Variants in CARD14 observed in about 807,000 individuals in gnomAD.
CARD14 encodes caspase recruitment domain-containing protein 14.
CARD14 carries 107 observed loss-of-function variants against 111.5 expected under a neutral mutation model. That is an observed-to-expected ratio of 0.96 (90% confidence interval 0.82 to 1.13). The LOEUF is 1.13. CARD14 is among the 50% of genes most tolerant of loss of function. The pLI is 0.00. For missense variants in CARD14, 1,322 were observed against 1,362.3 expected (o/e 0.97, Z 0.47); for synonymous variants, 617 against 579.6 (o/e 1.06, Z -0.93).
Position 80,192,492 on chromosome 17 carries a change from G to A in CARD14, c.1240-11G>A. On this transcript the variant is annotated splice_polypyrimidine_tract_variant and intron_variant, in intron 11 of 23. Coordinates refer to ENST00000648509, the MANE Select transcript of CARD14 (RefSeq NM_001366385.1). ...CCGAATTAACCAGCCTGTCTGGCCT[G>A]TCTTTGGCAGCTCAAGCAGGAAGCC... is the stretch of plus-strand genomic sequence containing the variant. 6.2e-7 allele frequency: 1 copy of A among 1,611,364 alleles called. No homozygotes were observed. The highest frequency in any genetic ancestry group is 8.5e-7 in the Non-Finnish European group (1 of 1,178,020).
At chr17:80,202,088 T>C in intron 17 of CARD14, 92 bp from the exon 18 acceptor site, 5 of 1,261,676 alleles carry the variant, frequency 4.0e-6, no homozygotes, top group East Asian at 2.3e-5. Context: ...ACTGGGAGGG[T>C]CCTTCCTTCT....
intron 7 of CARD14, chr17:80,187,680 C>G (rs2040388804): frequency 4.5e-6 from 4 of 889,806 alleles, no homozygotes; most frequent in Non-Finnish European, 5.4e-6. Flanking sequence ...GCACCCACCC[C>G]GACGTGCAGA....
At chr17:80,202,515 G>T in intron 18 of CARD14, 95 bp downstream of exon 18, 1 of 1,525,506 alleles carries the variant, frequency 6.6e-7, no homozygotes, top group Non-Finnish European at 8.8e-7. Context: ...CCCAGCAATA[G>T]AGGGTGGGCG....
At position 80,202,225 on chromosome 17, in the gene CARD14, CG is replaced by C. The variant is rs758713305; in HGVS notation, c.2029del (p.Asp677ThrfsTer45). On this transcript the variant is annotated frameshift_variant, in exon 18 of 24. Transcript: ENST00000648509. LOFTEE classifies it high-confidence loss of function. The stretch of plus-strand genomic sequence containing the variant: ...GACCTGGAGGCCAAAGTGGCGACCT[CG>C]GGGGACTCATTCTACATCCGGGTCA... ...LQDLEAKVATSGDSFYIRVNL... is the reference protein window; with the variant it reads ...LQDLEAKVATXGDSFYIRVNL... 1.2e-6 allele frequency: 2 copies of C among 1,613,842 alleles called. No individual in the cohort carries two copies. Among genetic ancestry groups the C allele is most frequent in the Non-Finnish European group, 1.7e-6 (2 of 1,180,042 alleles).
At chr17:80,200,229 ATTTTTTTTT>A (rs373332962) in intron 16 of CARD14, among the ~76,000 whole-genome samples, 6 of 74,410 alleles carry the variant, frequency 8.1e-5, no homozygotes, top group Non-Finnish European at 1.2e-4. Context: ...TTTACATGTC[ATTTTTTTTT>A]TTTTTTTTTT....
chr17:80,192,212 G>T, intron 11 of CARD14: 1 of 237,406 alleles, frequency 4.2e-6, no homozygotes. Flanking sequence ...TTCTGTGTGT[G>T]TATGTATGTG....
intron 2 of CARD14, among the ~76,000 whole-genome samples, chr17:80,176,831 C>T (rs765189401): frequency 5.5e-4 from 83 of 152,200 alleles, no homozygotes; most frequent in Admixed American, 1.1e-3. Context: ...CAGACTCTAG[C>T]GACGCAGGCT....
chr17:80,204,940 C>T (rs1211753074), intron 20 of CARD14, 95 bp from the exon 21 acceptor site: 28 of 1,039,722 alleles, frequency 2.7e-5, no homozygotes, highest in South Asian at 3.4e-5. Context: ...GGGGCTGCTG[C>T]AGTGAGCAAA....
chr17:80,172,424 T>C (rs1162749806), intron 1 of CARD14, among the ~76,000 whole-genome samples: 1 of 152,358 alleles, frequency 6.6e-6, no homozygotes, highest in South Asian at 2.1e-4. Context: ...TCCTGACTGA[T>C]GCATCCTAGA....
Position 80,183,951 on chromosome 17 carries a change from G to A in CARD14, c.388G>A (p.Gly130Arg), listed in dbSNP as rs776911365. 7 of 1,542,348 alleles carry A rather than the reference G, an allele frequency of 4.5e-6. No homozygotes were observed. In the Admixed American group the frequency reaches 1.4e-4, roughly 30 times the overall value. ...ETSKLTECLA[G>R]AIGSLQEELN... Reference sequence around the variant, plus strand: ...ATCCAAGCTGACCGAGTGCCTGGCTGGGGCCATCGGCAGCCTGCAGGAGGA... The same window carrying A: ...ATCCAAGCTGACCGAGTGCCTGGCTAGGGCCATCGGCAGCCTGCAGGAGGA... Residue 130 changes from glycine (G) to arginine (R), a missense_variant, in exon 7 of 24, where the codon GGG (glycine) becomes AGG (arginine). Gly to Arg is a moderately radical substitution (Grantham distance 125, BLOSUM62 -2). Coordinates refer to ENST00000648509, the MANE Select transcript of CARD14 (RefSeq NM_001366385.1).
Position 80,198,518 on chromosome 17 carries a change from T to A in CARD14, c.1778T>A (p.Ile593Asn), listed in dbSNP as rs281875220. 9 of 1,613,118 alleles carry A rather than the reference T, an allele frequency of 5.6e-6. No homozygotes were observed. Among genetic ancestry groups the A allele is most frequent in the Non-Finnish European group, 7.6e-6 (9 of 1,179,922 alleles). ...ISVIGGNLTG[I>N]FIHRVTPGSA... is the part of the protein sequence containing the mutation. ...GTCATCGGCGGGAACCTCACGGGCA[T>A]CTTCATCCACCGGGTCACCCCGGGC... Residue 593 changes from isoleucine (I) to asparagine (N), a missense_variant, in exon 16 of 24, where the codon ATC becomes AAC. Ile to Asn is a moderately radical substitution (Grantham distance 149). Coordinates refer to ENST00000648509, the MANE Select transcript of CARD14 (RefSeq NM_001366385.1). This position sits in a 1 kb window ranked among gnomAD's most constrained non-coding sequence, Gnocchi z 7.5.
chr17:80,208,655 A>G lies in CARD14; in HGVS notation c.*310A>G. 3.3e-6 allele frequency: 1 copy of G among 299,904 alleles called. No individual in the cohort carries two copies. Among genetic ancestry groups the G allele is most frequent in the Non-Finnish European group, 6.1e-6 (1 of 163,032 alleles). The allele number at this position is 299,904 out of a possible 1,614,324, so 18.6% of individuals were successfully genotyped here. On this transcript the variant is annotated 3_prime_UTR_variant, in exon 24 of 24. Transcript: ENST00000648509. Reference sequence around the variant, plus strand: ...GACGTCTTCCCATGCCTTCCCTAGAACCGGAGGCCCCGGACTTCTCTGGAA... The same window carrying G: ...GACGTCTTCCCATGCCTTCCCTAGAGCCGGAGGCCCCGGACTTCTCTGGAA...
Position 80,203,567 on chromosome 17 carries a change from G to T in CARD14, c.2220-255G>T, listed in dbSNP as rs2041107275. 2.2e-6 allele frequency: 1 copy of T among 452,010 alleles called. No homozygotes were observed. The highest frequency in any genetic ancestry group is 2.0e-5 in the African/African-American group (1 of 49,242). The allele number at this position is 452,010 out of a possible 1,614,324, so 28.0% of individuals were successfully genotyped here. A position where few individuals can be genotyped will look rare whatever the true frequency, so the allele number is the denominator to read the frequency against. On this transcript the variant is annotated intron_variant, in intron 18 of 23. Transcript: ENST00000648509. The surrounding 1 kb of genome is among the most constrained non-coding windows in gnomAD (Gnocchi z 4.6). ...CGCTGGCTGCTCAACAGCACCCCCT[G>T]GGTCCCGCCCCAGGACAAGTAAATC...
chr17:80,189,934 G>A lies in CARD14; in HGVS notation c.963+62G>A. 6.5e-7 allele frequency: 1 copy of A among 1,532,944 alleles called. No homozygotes were observed. The highest frequency in any genetic ancestry group is 8.7e-7 in the Non-Finnish European group (1 of 1,153,048). 95.0% of individuals were successfully genotyped at this position (1,532,944 alleles called of 1,614,324 possible). Reference sequence around the variant, plus strand: ...GGGGCTTGTCTCAGGGGTGCGGACAGGTCTGTGGGGAAGCCAGATTCCTTC... The same window carrying A: ...GGGGCTTGTCTCAGGGGTGCGGACAAGTCTGTGGGGAAGCCAGATTCCTTC... On this transcript the variant is annotated intron_variant, in intron 9 of 23. Transcript: ENST00000648509. This position sits in a 1 kb window ranked among gnomAD's most constrained non-coding sequence, Gnocchi z 4.7.
chr17:80,191,622 C>T, intron 11 of CARD14, 150 bp downstream of exon 11: 1 of 956,200 alleles, frequency 1.0e-6, no homozygotes, highest in Admixed American at 2.6e-5. Context: ...AGAGACGGCC[C>T]AGTGTCACTG....
Position 80,183,978 on chromosome 17 carries a change from C to A in CARD14, c.415C>A (p.Leu139Met). The change falls in exon 7 of 24, where the codon CTG becomes ATG. Residue 139 changes from leucine (L) to methionine (M), a missense_variant. By Grantham distance (15) the Leu-to-Met change is conservative. Transcript: ENST00000648509. ...GGCCATCGGCAGCCTGCAGGAGGAG[C>A]TGAACCAGGAAAAGGGGCAGAAGGA... is the stretch of plus-strand genomic sequence containing the variant. ...AGAIGSLQEE[L>M]NQEKGQKEVL... is the part of the protein sequence containing the mutation. 1 of 1,570,036 alleles carries A rather than the reference C, an allele frequency of 6.4e-7. No individual in the cohort carries two copies. Among genetic ancestry groups the A allele is most frequent in the Non-Finnish European group, 8.6e-7 (1 of 1,156,590 alleles).
In CARD14 at chr17:80,201,494, C is replaced by A. The variant is rs1159602846; in HGVS notation, c.1852-250C>A. 4 of 521,088 alleles carry A rather than the reference C, an allele frequency of 7.7e-6. No individual in the cohort carries two copies. The highest frequency in any genetic ancestry group is 1.4e-5 in the Non-Finnish European group (4 of 293,236). 32.3% of individuals were successfully genotyped at this position (521,088 alleles called of 1,614,324 possible). A position where few individuals can be genotyped will look rare whatever the true frequency, so the allele number is the denominator to read the frequency against. ...ACAGGAAAGTGCTTATCACAAAGAA[C>A]CCCCGATCTCGACTGGGGAAGGGTT... is the stretch of plus-strand genomic sequence containing the variant. On this transcript the variant is annotated intron_variant, in intron 16 of 23. Transcript: ENST00000648509. This position sits in a 1 kb window ranked among gnomAD's most constrained non-coding sequence, Gnocchi z 5.0.
At chr17:80,200,164 G>A (rs1325326515) in intron 16 of CARD14, among the ~76,000 whole-genome samples, 1 of 151,614 alleles carries the variant, frequency 6.6e-6, no homozygotes, top group Non-Finnish European at 1.5e-5. Context: ...GATAGCACAT[G>A]GAGCACCTAA....
Position 80,207,012 on chromosome 17 carries a change from A to C in CARD14, c.2734A>C (p.Thr912Pro). The change falls in exon 23 of 24, where the codon ACC (threonine) becomes CCC (proline). Residue 912 changes from threonine to proline, a missense_variant. Thr to Pro is a conservative substitution (Grantham distance 38). Coordinates refer to ENST00000648509, the MANE Select transcript of CARD14 (RefSeq NM_001366385.1). ...LLDVQLDSVCTLHRMDIFPIV... is the reference protein window; with the variant it reads ...LLDVQLDSVCPLHRMDIFPIV... Reference sequence around the variant, plus strand: ...GGACGTCCAGCTGGACAGTGTCTGCACCCTGCACAGGATGGACATCTTCCC... The same window carrying C: ...GGACGTCCAGCTGGACAGTGTCTGCCCCCTGCACAGGATGGACATCTTCCC... 6.2e-7 allele frequency: 1 copy of C among 1,613,814 alleles called. No homozygotes were observed. The highest frequency in any genetic ancestry group is 8.5e-7 in the Non-Finnish European group (1 of 1,179,894).
Sources: gnomAD v4.1 joint callset for allele counts (sites outside exome capture counted in the v4.1 genomes callset) on GRCh38, gnomAD v4.1.1 for gene constraint, Gnocchi (gnomAD v3.1) non-coding constraint, MANE v1.5 for transcripts, NCBI Gene and HGNC (gene_info 2026-07-23, HGNC 2026-07-21) for gene names.